ADCY8: variants seen among roughly 807,000 people sequenced by gnomAD.
ADCY8 encodes the protein adenylate cyclase type 8.
A neutral mutation model predicts 119.7 loss-of-function variants in ADCY8; 51 were observed. That is an observed-to-expected ratio of 0.43 (90% CI 0.34 to 0.54). The LOEUF is 0.54. Among genes scored for constraint, ADCY8 ranks in the 20% least tolerant of loss-of-function variants. ADCY8 has a pLI of 0.03. For missense variants in ADCY8, 1,383 were observed against 1,598.8 expected, an observed-to-expected ratio of 0.87 and a Z score of 2.30; for synonymous variants, 665 against 651.0, an observed-to-expected ratio of 1.02 and a Z score of -0.33.
chr8:130,893,472 T>C (rs932006849), intron 7 of ADCY8, among the ~76,000 whole-genome samples: 2 of 151,710 alleles, frequency 1.3e-5, no homozygotes, highest in Non-Finnish European at 2.9e-5. Context: ...GGTTGAAATG[T>C]CATTGGCTGT....
At chr8:131,015,382 C>T (rs932904) in intron 1 of ADCY8, among the ~76,000 whole-genome samples, 80,648 of 151,966 alleles carry the variant, frequency 0.53, 22,285 homozygotes, top group East Asian at 0.72. Flanking sequence ...GTTATATTTA[C>T]GCAGAGACCC....
At chr8:130,916,093 G>A (rs1000926278) in intron 5 of ADCY8, among the ~76,000 whole-genome samples, 2 of 152,182 alleles carry the variant, frequency 1.3e-5, no homozygotes, top group Non-Finnish European at 1.5e-5. Flanking sequence ...ACTGAGTCAC[G>A]AGAGGTATAT....
intron 13 of ADCY8, among the ~76,000 whole-genome samples, chr8:130,819,489 C>T (rs1816442945): frequency 6.6e-6 from 1 of 152,050 alleles, no homozygotes; most frequent in Non-Finnish European, 1.5e-5. Context: ...AAAGTAATTC[C>T]CTAAGGTGAC....
intron 15 of ADCY8, among the ~76,000 whole-genome samples, chr8:130,798,599 G>C (rs532236884): frequency 9.8e-5 from 15 of 152,320 alleles, no homozygotes; most frequent in Admixed American, 3.9e-4. Context: ...GAAGTGTTTA[G>C]GCTTCAAAGG....
intron 9 of ADCY8, among the ~76,000 whole-genome samples, chr8:130,853,958 TAATAA>T (rs1817624588): frequency 1.3e-5 from 2 of 152,312 alleles, no homozygotes; most frequent in East Asian, 3.9e-4. Context: ...TAAAGTAGTA[TAATAA>T]AAATTTAAAG....
chr8:130,971,006 C>T (rs1393346643), intron 2 of ADCY8, among the ~76,000 whole-genome samples: 1 of 152,094 alleles, frequency 6.6e-6, no homozygotes, highest in Non-Finnish European at 1.5e-5. Flanking sequence ...AGACTTGGCA[C>T]GTAGAAAGGA....
At chr8:131,019,089 A>G (rs988484427) in intron 1 of ADCY8, among the ~76,000 whole-genome samples, 1 of 152,194 alleles carries the variant, frequency 6.6e-6, no homozygotes, top group African/African-American at 2.4e-5. Context: ...GAGGAGAAAG[A>G]GGAATATGAT....
intron 5 of ADCY8, among the ~76,000 whole-genome samples, chr8:130,924,959 A>T (rs1033400831): frequency 6.6e-6 from 1 of 152,012 alleles, no homozygotes; most frequent in East Asian, 1.9e-4. Flanking sequence ...CTGTAATCCC[A>T]GCACTTTGGG....
intron 7 of ADCY8, among the ~76,000 whole-genome samples, chr8:130,902,724 T>C (rs1173737789): frequency 1.3e-5 from 2 of 152,286 alleles, no homozygotes; most frequent in East Asian, 1.9e-4. Flanking sequence ...TTGAGGTCTA[T>C]GGAATTTAAA....
intron 1 of ADCY8, among the ~76,000 whole-genome samples, chr8:130,991,088 TTA>T (rs1325782245): frequency 6.6e-6 from 1 of 152,184 alleles, no homozygotes; most frequent in East Asian, 1.9e-4. Flanking sequence ...TCCACTTCCA[TTA>T]TTCTATTTCT....
At chr8:130,881,362 T>G (rs1298103343) in intron 8 of ADCY8, among the ~76,000 whole-genome samples, 2 of 152,220 alleles carry the variant, frequency 1.3e-5, no homozygotes, top group Non-Finnish European at 1.5e-5. Context: ...TGAATGATAT[T>G]TCTGTACATT....
At chr8:130,861,665 A>G (rs116922350) in intron 9 of ADCY8, among the ~76,000 whole-genome samples, 3,255 of 152,026 alleles carry the variant, frequency 0.021, 70 homozygotes, top group South Asian at 0.078. Flanking sequence ...TATGCCTTTT[A>G]TTTCTTTTTG....
At chr8:130,918,841 G>A (rs146450851) in intron 5 of ADCY8, among the ~76,000 whole-genome samples, 8,704 of 152,238 alleles carry the variant, frequency 0.057, 787 homozygotes, top group African/African-American at 0.19. Flanking sequence ...CGGGCAGATC[G>A]CCTGAGGTCA....
At chr8:131,027,783 A>G (rs899162569) in intron 1 of ADCY8, among the ~76,000 whole-genome samples, 4 of 152,162 alleles carry the variant, frequency 2.6e-5, no homozygotes, top group Admixed American at 2.6e-4. Flanking sequence ...GAGGGATTTG[A>G]TTATCCAGGG....
chr8:130,837,027 C>A (rs1174072526), intron 11 of ADCY8, among the ~76,000 whole-genome samples: 2 of 152,138 alleles, frequency 1.3e-5, no homozygotes, highest in African/African-American at 4.8e-5. Context: ...AGCCTCCATG[C>A]CTGGCTGATT....
intron 15 of ADCY8, among the ~76,000 whole-genome samples, chr8:130,798,934 C>A (rs1815677029): frequency 6.6e-6 from 1 of 152,044 alleles, no homozygotes; most frequent in Non-Finnish European, 1.5e-5. Context: ...TATACACACA[C>A]ACAGTGGAAT....
chr8:130,785,653 C>A (rs982598242), intron 15 of ADCY8, among the ~76,000 whole-genome samples, 178 bp from the exon 16 acceptor site: 1 of 152,216 alleles, frequency 6.6e-6, no homozygotes. Context: ...TTAATGAGCA[C>A]TTGCTAAGGG....
At position 130,923,230 on chromosome 8, in the gene ADCY8, G is replaced by T. The variant is rs1040825550; in HGVS notation, c.1482-13364C>A. On this transcript the variant is annotated intron_variant, in intron 5 of 17. Coordinates refer to ENST00000286355, the MANE Select transcript of ADCY8 (RefSeq NM_001115.3). ...AAGAGAGAGAGAGAAAGAGAGAAAA[G>T]AAAAGAGGGAGAAGAAGTGACGAAG... Among the ~76,000 whole-genome samples, 5 of 151,342 alleles carry T rather than the reference G, an allele frequency of 3.3e-5. No individual in the cohort carries two copies. In the South Asian group the frequency reaches 6.3e-4, roughly 19 times the overall value.
At position 130,909,767 on chromosome 8, in the gene ADCY8, A is replaced by C; in HGVS notation, c.1581T>G (p.Phe527Leu). Reference sequence around the variant, plus strand: ...TATCCACATCCCAAGACCAGACATCAAACTGCCACTTCCTTAGTCCCAAAA... The same window carrying C: ...TATCCACATCCCAAGACCAGACATCCAACTGCCACTTCCTTAGTCCCAAAA... ...CGVLGLRKWQ[F>L]DVWSWDVDIA... Residue 527 changes from phenylalanine (F) to leucine (L), a missense_variant, in exon 6 of 18, where the codon TTT (phenylalanine) becomes TTG (leucine). Transcript: ENST00000286355. The C allele has an allele frequency of 6.2e-7, 1 of 1,614,126 alleles. No homozygotes were observed. The highest frequency in any genetic ancestry group is 8.5e-7 in the Non-Finnish European group (1 of 1,180,020).
Sources: gnomAD v4.1 joint callset for allele counts (sites outside exome capture counted in the v4.1 genomes callset) on GRCh38, gnomAD v4.1.1 for gene constraint, MANE v1.5 for transcripts, NCBI Gene and HGNC (gene_info 2026-07-23, HGNC 2026-07-21) for gene names.